SPECC1: variants seen among roughly 807,000 people sequenced by gnomAD.
SPECC1 encodes the protein cytospin-B.
SPECC1 carries 62 observed loss-of-function variants against 104.1 expected under a neutral mutation model. The observed-to-expected ratio is 0.60, with a 90% confidence interval of 0.49 to 0.74. The LOEUF (loss-of-function observed/expected upper bound fraction) is 0.74, where lower values mean the gene tolerates loss of function less well. SPECC1 is among the 30% of genes least tolerant of loss of function. The pLI is 0.00. For missense variants in SPECC1, 1,306 were observed against 1,310.5 expected, an observed-to-expected ratio of 1.00 and a Z score of 0.05; for synonymous variants, 513 against 501.6, an observed-to-expected ratio of 1.02 and a Z score of -0.30.
intron 7 of SPECC1, among the ~76,000 whole-genome samples, chr17:20,235,625 CCT>C (rs1275746883): frequency 2.0e-5 from 3 of 152,196 alleles, no homozygotes; most frequent in African/African-American, 7.2e-5. Context: ...CAGGGAAAGA[CCT>C]CTGTGTTTGT....
intron 1 of SPECC1, among the ~76,000 whole-genome samples, chr17:20,089,455 C>T (rs1042588594): frequency 1.5e-5 from 2 of 131,830 alleles, no homozygotes; most frequent in African/African-American, 2.8e-5. Context: ...GGTGAGATTT[C>T]GCCTCTATAT....
chr17:20,238,005 G>C, intron 7 of SPECC1: 1 of 1,015,528 alleles, frequency 9.8e-7, no homozygotes. Context: ...GCCTCCCAAA[G>C]TGCTGGGATT....
At chr17:20,224,382 T>C (rs942158733) in intron 4 of SPECC1, among the ~76,000 whole-genome samples, 2 of 152,220 alleles carry the variant, frequency 1.3e-5, no homozygotes, top group African/African-American at 4.8e-5. Flanking sequence ...CAAGGGCCGT[T>C]TAATTAGCAG....
intron 3 of SPECC1, among the ~76,000 whole-genome samples, chr17:20,144,226 C>T (rs375781991): frequency 5.3e-5 from 7 of 131,662 alleles, no homozygotes; most frequent in South Asian, 4.7e-4. Flanking sequence ...TGTCTGTCAC[C>T]GAGGCTGGAG....
intron 1 of SPECC1, among the ~76,000 whole-genome samples, chr17:20,042,573 G>A (rs1223250346): frequency 4.6e-5 from 7 of 152,192 alleles, no homozygotes; most frequent in African/African-American, 1.7e-4. Flanking sequence ...CTCAGCCTTG[G>A]TGGGGGTGTT....
chr17:20,156,001 G>A (rs2032447981), intron 3 of SPECC1: 1 of 1,283,354 alleles, frequency 7.8e-7, no homozygotes, highest in African/African-American at 1.6e-5. Context: ...TGCAGATGAG[G>A]GGGCGGGGCC....
At chr17:20,301,260 A>G (rs1394050157) in intron 13 of SPECC1, among the ~76,000 whole-genome samples, 1 of 152,152 alleles carries the variant, frequency 6.6e-6, no homozygotes, top group Non-Finnish European at 1.5e-5. Flanking sequence ...AAAGAGCAGG[A>G]AAGATTTCCT....
intron 1 of SPECC1, among the ~76,000 whole-genome samples, chr17:20,060,398 A>G (rs147406735): frequency 9.9e-4 from 150 of 152,268 alleles, no homozygotes; most frequent in Non-Finnish European, 9.1e-4. Flanking sequence ...TGTAATCCCA[A>G]TGCTTTGGGA....
At chr17:20,099,556 G>A (rs1056056923) in intron 2 of SPECC1, among the ~76,000 whole-genome samples, 7 of 149,628 alleles carry the variant, frequency 4.7e-5, no homozygotes, top group Middle Eastern at 3.5e-3. Context: ...TTAGCCGGGC[G>A]TGGTGGCATA....
At chr17:20,156,806 C>T (rs1156408148) in intron 3 of SPECC1, among the ~76,000 whole-genome samples, 6 of 152,192 alleles carry the variant, frequency 3.9e-5, no homozygotes, top group African/African-American at 7.2e-5. Flanking sequence ...TAGTTTTCGT[C>T]CTCTGGTAGC....
At chr17:20,206,702 G>A (rs2036804527) in intron 4 of SPECC1, among the ~76,000 whole-genome samples, 1 of 151,798 alleles carries the variant, frequency 6.6e-6, no homozygotes, top group Admixed American at 6.6e-5. Context: ...TGTTTATTTA[G>A]GAAAAATTCC....
chr17:20,074,038 A>C (rs2046662690), intron 1 of SPECC1, among the ~76,000 whole-genome samples: 2 of 152,176 alleles, frequency 1.3e-5, no homozygotes, highest in Admixed American at 1.3e-4. Context: ...TGTGGGTACT[A>C]ATTAGTAGCA....
At chr17:20,185,671 C>T (rs2035221465) in intron 3 of SPECC1, among the ~76,000 whole-genome samples, 1 of 152,162 alleles carries the variant, frequency 6.6e-6, no homozygotes. Flanking sequence ...GGTTAGTAAA[C>T]AGCAGCGACT....
chr17:20,301,545 T>G (rs1382448607), intron 13 of SPECC1, among the ~76,000 whole-genome samples: 4 of 152,184 alleles, frequency 2.6e-5, no homozygotes, highest in Non-Finnish European at 5.9e-5. Flanking sequence ...ATAGAAATTA[T>G]GAGGTGTCCC....
At chr17:20,224,927 G>GT in intron 4 of SPECC1, among the ~76,000 whole-genome samples, 1 of 152,314 alleles carries the variant, frequency 6.6e-6, no homozygotes. Flanking sequence ...AGCCGGTACA[G>GT]TGTGTGGCCC....
intron 12 of SPECC1, among the ~76,000 whole-genome samples, chr17:20,294,586 C>T (rs772296536): frequency 4.6e-5 from 7 of 151,554 alleles, no homozygotes; most frequent in Non-Finnish European, 5.9e-5. Flanking sequence ...GTAGTGATGA[C>T]GGTGGTGGGG....
chr17:20,110,749 G>C (rs1185282544), intron 3 of SPECC1, among the ~76,000 whole-genome samples, 187 bp downstream of exon 3: 1 of 152,112 alleles, frequency 6.6e-6, no homozygotes, highest in African/African-American at 2.4e-5. Context: ...AGAGTGGGGA[G>C]ACCGATGAGA....
intron 1 of SPECC1, among the ~76,000 whole-genome samples, chr17:20,036,464 G>C (rs563870008): frequency 1.3e-5 from 2 of 152,140 alleles, no homozygotes; most frequent in Non-Finnish European, 2.9e-5. Context: ...AGATAAAATT[G>C]TGTGTATTTA....
intron 3 of SPECC1, among the ~76,000 whole-genome samples, chr17:20,191,107 A>G (rs369892334): frequency 1.3e-5 from 2 of 152,266 alleles, no homozygotes; most frequent in African/African-American, 2.4e-5. Context: ...GGGGTGGATG[A>G]TACTAATAGT....
Sources: allele counts gnomAD v4.1 joint callset (sites outside exome capture counted in the v4.1 genomes callset), GRCh38; gene constraint gnomAD v4.1.1; transcripts MANE v1.5; gene names NCBI Gene and HGNC (gene_info 2026-07-23, HGNC 2026-07-21).